Variants in PCDH7 observed in about 807,000 individuals in gnomAD.
PCDH7 encodes the protein protocadherin 7.
A neutral mutation model predicts 58.9 loss-of-function variants in PCDH7; 17 were observed. The observed-to-expected ratio is 0.29, with a 90% CI of 0.20 to 0.43. The LOEUF is 0.43. Among genes scored for constraint, PCDH7 ranks in the 20% least tolerant of loss-of-function variants. PCDH7 has a pLI of 1.00. For missense variants in PCDH7, 1,274 were observed against 1,441.0 expected, an observed-to-expected ratio of 0.88 and a Z score of 1.88; for synonymous variants, 664 against 616.4, an observed-to-expected ratio of 1.08 and a Z score of -1.14.
At chr4:30,800,712 A>C (rs1725426689) in intron 1 of PCDH7, among the ~76,000 whole-genome samples, 1 of 152,220 alleles carries the variant, frequency 6.6e-6, no homozygotes, top group African/African-American at 2.4e-5. Context: ...ACTGGATGAG[A>C]AATCATGAAC....
intron 1 of PCDH7, among the ~76,000 whole-genome samples, chr4:30,820,893 C>T (rs923064645): frequency 6.6e-6 from 1 of 151,904 alleles, no homozygotes; most frequent in Non-Finnish European, 1.5e-5. Flanking sequence ...TTGCATTTTG[C>T]ATGGTATTTT....
chr4:30,817,617 G>A (rs1431619647), intron 1 of PCDH7, among the ~76,000 whole-genome samples: 4 of 151,828 alleles, frequency 2.6e-5, no homozygotes, highest in Non-Finnish European at 5.9e-5. Flanking sequence ...CTTCTGAGAC[G>A]ACTATTCAAC....
intron 1 of PCDH7, among the ~76,000 whole-genome samples, chr4:30,892,986 TC>T (rs1738819561): frequency 6.6e-6 from 1 of 152,092 alleles, no homozygotes; most frequent in Non-Finnish European, 1.5e-5. Context: ...AACTGTTTAC[TC>T]CAAACCATAC....
chr4:30,909,060 A>G lies in PCDH7; in HGVS notation c.71-11093A>G, dbSNP rs564699122. 3.3e-5 allele frequency among the ~76,000 whole-genome samples: 5 copies of G among 152,338 alleles called. No homozygotes were observed. In the South Asian group the frequency reaches 1.0e-3, roughly 32 times the overall value. ...TCAATAAACATAGTCCATCAGATAA[A>G]CAGAACCAATGACGAAAATGACATG... On this transcript the variant is annotated intron_variant, in intron 1 of 3. Transcript: ENST00000509759.
chr4:30,915,245 T>A (rs950165119), intron 1 of PCDH7, among the ~76,000 whole-genome samples: 1 of 152,222 alleles, frequency 6.6e-6, no homozygotes, highest in African/African-American at 2.4e-5. Flanking sequence ...TTCATACTTT[T>A]AAGGGTAGTA....
intron 3 of PCDH7, among the ~76,000 whole-genome samples, chr4:30,961,633 A>T (rs1037079268): frequency 2.0e-5 from 3 of 152,182 alleles, no homozygotes; most frequent in Non-Finnish European, 4.4e-5. Flanking sequence ...TAAATATATC[A>T]AAAGTATAGC....
At position 30,721,943 on chromosome 4, in the gene PCDH7, G is replaced by A. The variant is rs868485268; in HGVS notation, c.521G>A (p.Arg174His). The change falls in exon 1 of 2, where the codon CGC becomes CAC. Residue 174 changes from arginine to histidine, a missense_variant. Arg to His is a conservative substitution (Grantham distance 29). This residue lies in a region of PCDH7 where 212 missense variants were observed against 255.8 expected (regional missense o/e 0.83). Transcript: ENST00000361762. This position sits in a 1 kb window ranked among gnomAD's most constrained non-coding sequence, Gnocchi z 6.7. ...ACAGCCACCGACCGCGACTTCGGCC[G>A]CAACGGCATCGAGCGCTACGAGCTG... 2 of 1,556,904 alleles carry A rather than the reference G, an allele frequency of 1.3e-6. No homozygotes were observed. Among genetic ancestry groups the A allele is most frequent in the Non-Finnish European group, 1.7e-6 (2 of 1,157,332 alleles).
At chr4:30,857,281 A>G (rs1412457037) in intron 1 of PCDH7, among the ~76,000 whole-genome samples, 1 of 152,050 alleles carries the variant, frequency 6.6e-6, no homozygotes, top group Non-Finnish European at 1.5e-5. Context: ...AAACCTAACC[A>G]TTTTAGACTG....
chr4:30,791,712 C>G (rs75984118), intron 1 of PCDH7, among the ~76,000 whole-genome samples: 3,448 of 152,262 alleles, frequency 0.023, 200 homozygotes, highest in East Asian at 0.22. Flanking sequence ...TCTTATAGCT[C>G]TGTGAGCTGT....
intron 1 of PCDH7, among the ~76,000 whole-genome samples, chr4:30,904,328 A>C (rs1444932685): frequency 6.6e-6 from 1 of 152,090 alleles, no homozygotes; most frequent in Non-Finnish European, 1.5e-5. Flanking sequence ...TGCCTTTCAC[A>C]GCTCTTGGCA....
chr4:30,952,546 A>T (rs763153388), intron 3 of PCDH7, among the ~76,000 whole-genome samples: 4 of 152,082 alleles, frequency 2.6e-5, no homozygotes, highest in Admixed American at 6.6e-5. Flanking sequence ...AATGAAGGAA[A>T]CATGTCATTA....
intron 2 of PCDH7, among the ~76,000 whole-genome samples, chr4:30,936,898 A>C (rs1745406715): frequency 6.6e-6 from 1 of 152,078 alleles, no homozygotes; most frequent in African/African-American, 2.4e-5. Flanking sequence ...CAGATGCTTT[A>C]TTTATGGTTC....
At chr4:31,009,708 T>TTATTTTGGG (rs1177296608) in intron 3 of PCDH7, among the ~76,000 whole-genome samples, 1 of 151,938 alleles carries the variant, frequency 6.6e-6, no homozygotes, top group African/African-American at 2.4e-5. Flanking sequence ...TTCAGGAAAT[T>TTATTTTGGG]TATTTTGGGC....
At chr4:30,823,417 C>G (rs1452358238) in intron 1 of PCDH7, among the ~76,000 whole-genome samples, 1 of 152,030 alleles carries the variant, frequency 6.6e-6, no homozygotes, top group African/African-American at 2.4e-5. Context: ...TAGTACGTGC[C>G]CTTTACTGAC....
chr4:31,027,246 C>T (rs1754509229), intron 3 of PCDH7, among the ~76,000 whole-genome samples: 1 of 152,096 alleles, frequency 6.6e-6, no homozygotes, highest in African/African-American at 2.4e-5. Context: ...AACCTCATCA[C>T]AAATAGGCAT....
chr4:30,977,745 G>T (rs1018172310), intron 3 of PCDH7, among the ~76,000 whole-genome samples: 2 of 151,974 alleles, frequency 1.3e-5, no homozygotes, highest in Admixed American at 6.6e-5. Flanking sequence ...TAGGCCTGTG[G>T]CTCTTTATCA....
chr4:31,145,360 G>C (rs192223451), downstream of PCDH7: 2 of 151,900 alleles, frequency 1.3e-5, no homozygotes, highest in African/African-American at 4.8e-5. Flanking sequence ...ATTATATAAT[G>C]AGCTGGCATG....
downstream of PCDH7, among the ~76,000 whole-genome samples, chr4:30,735,956 T>C (rs1459476514): frequency 6.6e-6 from 1 of 152,170 alleles, no homozygotes; most frequent in Non-Finnish European, 1.5e-5. Context: ...TCAGTCTAAC[T>C]GCTTCATCTC....
rs150191275 is a variant in PCDH7, at chr4:30,768,170, A to T, written c.70+43574A>T. 3.3e-3 allele frequency among the ~76,000 whole-genome samples: 505 copies of T among 152,342 alleles called. 4 individuals are homozygous for T. Among genetic ancestry groups the T allele is most frequent in the African/African-American group, 0.011 (468 of 41,588 alleles). On this transcript the variant is annotated intron_variant, in intron 1 of 3. Transcript: ENST00000509759. Reference sequence around the variant, plus strand: ...CATTACAATAAATTTAATGTCATGCATCAATCAATTGATGAGCCTTTAAAG... The same window carrying T: ...CATTACAATAAATTTAATGTCATGCTTCAATCAATTGATGAGCCTTTAAAG...
Sources: gnomAD v4.1 joint callset for allele counts (sites outside exome capture counted in the v4.1 genomes callset) on GRCh38, gnomAD v4.1.1 for gene constraint, gnomAD v4.1.1 regional missense constraint, Gnocchi (gnomAD v3.1) non-coding constraint, MANE v1.5 for transcripts, NCBI Gene and HGNC (gene_info 2026-07-23, HGNC 2026-07-21) for gene names.